The following CCT3 variants were observed in gnomAD, a reference collection of about 807,000 sequenced individuals.
CCT3 encodes the protein T-complex protein 1 subunit gamma.
In CCT3, 10 loss-of-function variants were observed where a neutral mutation model predicts 65.3. That is an observed-to-expected ratio of 0.15 (90% CI 0.09 to 0.26). The LOEUF is 0.26. Among genes scored for constraint, CCT3 ranks in the 10% least tolerant of loss-of-function variants. The probability of loss-of-function intolerance (pLI) is 1.00; values close to 1 mark genes in which losing one functional copy is unlikely to be tolerated. For missense variants in CCT3, 626 were observed against 708.7 expected (o/e 0.88, Z 1.33); for synonymous variants, 225 against 242.3 (o/e 0.93, Z 0.66).
chr1:156,329,719 A>C (rs1665027486), intron 5 of CCT3, among the ~76,000 whole-genome samples: 2 of 150,796 alleles, frequency 1.3e-5, no homozygotes, highest in Admixed American at 1.3e-4. Context: ...TGGGAGGATC[A>C]CCTGAAGTCA....
intron 6 of CCT3, among the ~76,000 whole-genome samples, chr1:156,321,857 TAAAC>T (rs1188703230): frequency 6.6e-6 from 1 of 151,992 alleles, no homozygotes; most frequent in Non-Finnish European, 1.5e-5. Flanking sequence ...AACCCCAAAA[TAAAC>T]AAAATCCCTC....
At chr1:156,313,804 C>G (rs888509818) in intron 10 of CCT3, among the ~76,000 whole-genome samples, 6 of 152,004 alleles carry the variant, frequency 3.9e-5, no homozygotes, top group African/African-American at 1.4e-4. Flanking sequence ...TGTAAAGAAC[C>G]GTCGGCTGGG....
chr1:156,313,394 G>A (rs1355513714), intron 10 of CCT3, among the ~76,000 whole-genome samples: 3 of 146,612 alleles, frequency 2.0e-5, no homozygotes, highest in South Asian at 2.2e-4. Context: ...AATCATTGAG[G>A]AGAAATGGTA....
intron 5 of CCT3, among the ~76,000 whole-genome samples, chr1:156,330,422 G>A (rs1665056291): frequency 6.6e-6 from 1 of 152,148 alleles, no homozygotes; most frequent in Non-Finnish European, 1.5e-5. Context: ...AGCACTTTGG[G>A]AGGCTGAGGT....
At chr1:156,310,456 T>C in intron 13 of CCT3, 102 bp downstream of exon 13, 2 of 852,904 alleles carry the variant, frequency 2.3e-6, no homozygotes, top group Non-Finnish European at 3.3e-6. Context: ...ATCACACCAC[T>C]GCACTCCAGC....
At chr1:156,327,193 C>T (rs533094911) in intron 5 of CCT3, among the ~76,000 whole-genome samples, 10 of 152,290 alleles carry the variant, frequency 6.6e-5, no homozygotes, top group African/African-American at 2.2e-4. Flanking sequence ...TGTCAAAAGC[C>T]TTTTGCACAA....
chr1:156,315,112 C>T (rs963089578), intron 10 of CCT3, among the ~76,000 whole-genome samples: 6 of 152,170 alleles, frequency 3.9e-5, no homozygotes, highest in African/African-American at 1.4e-4. Flanking sequence ...AAGACCAGCC[C>T]GTTCTTCCTC....
At chr1:156,333,359 G>A in intron 5 of CCT3, 188 bp downstream of exon 5, 1 of 539,636 alleles carries the variant, frequency 1.9e-6, no homozygotes, top group South Asian at 2.2e-5. Flanking sequence ...TAGTTTATCA[G>A]CCAGATTTGC....
At position 156,328,717 on chromosome 1, in the gene CCT3, T is replaced by C. The variant is rs556537514; in HGVS notation, c.305-3628A>G. 5.9e-5 allele frequency among the ~76,000 whole-genome samples: 9 copies of C among 152,198 alleles called. No individual in the cohort carries two copies. In the East Asian group the frequency reaches 1.5e-3, roughly 26 times the overall value. On this transcript the variant is annotated intron_variant, in intron 5 of 13. Transcript: ENST00000295688. ...CTTAAGTACCCAGGGACACAAACAC[T>C]GCGGAAGGCAGCAGGGTCCTCTGCC...
At chr1:156,332,831 T>G (rs1273797226) in intron 5 of CCT3, 3 of 152,338 alleles carry the variant, frequency 2.0e-5, no homozygotes, top group Middle Eastern at 3.2e-3. Flanking sequence ...TGCTATGGGC[T>G]ATGAGTTCAA....
intron 4 of CCT3, 94 bp downstream of exon 4, chr1:156,334,619 C>T (rs906687000): frequency 1.8e-6 from 2 of 1,122,238 alleles, no homozygotes; most frequent in Non-Finnish European, 2.6e-6. Context: ...TTATAGCAGC[C>T]CTAAAAAACT....
chr1:156,323,820 T>A (rs1314092299), intron 6 of CCT3, among the ~76,000 whole-genome samples: 1 of 151,754 alleles, frequency 6.6e-6, no homozygotes, highest in Non-Finnish European at 1.5e-5. Context: ...TGGAGTGCAA[T>A]GGTGCGATCC....
rs756237645 is a variant in CCT3 at position 156,318,882 on chromosome 1, T to G, written c.745A>C (p.Lys249Gln). ...AAGAACCTTACCTGGCTTTCTCCTTTCTTGTATTCCAGAGAAGAATCCAGC... is the reference window on the plus strand; with the variant it reads ...AAGAACCTTACCTGGCTTTCTCCTTGCTTGTATTCCAGAGAAGAATCCAGC... ...VLLDSSLEYK[K>Q]GESQTDIEIT... is the part of the protein sequence containing the mutation. Residue 249 changes from lysine (K) to glutamine (Q), a missense_variant, in exon 8 of 14, where the codon AAA (lysine) becomes CAA (glutamine). Physicochemically the swap from Lys to Gln is moderately conservative, Grantham distance 53 (BLOSUM62 1). Coordinates refer to ENST00000295688, the MANE Select transcript of CCT3 (RefSeq NM_005998.5). 6.2e-7 allele frequency: 1 copy of G among 1,613,092 alleles called. No individual in the cohort carries two copies. Among genetic ancestry groups the G allele is most frequent in the Admixed American group, 1.7e-5 (1 of 59,710 alleles).
intron 8 of CCT3, 88 bp downstream of exon 8, chr1:156,318,780 A>G (rs1664416212): frequency 7.9e-7 from 1 of 1,271,274 alleles, no homozygotes; most frequent in Non-Finnish European, 1.1e-6. Flanking sequence ...CCCAGAAGGC[A>G]TGCAATAAAC....
intron 10 of CCT3, 107 bp downstream of exon 10, chr1:156,317,059 T>C: frequency 1.0e-6 from 1 of 969,978 alleles, no homozygotes; most frequent in Non-Finnish European, 1.6e-6. Flanking sequence ...TATTTCTACC[T>C]GTTACTATAT....
At chr1:156,325,820 TG>T (rs1356854304) in intron 5 of CCT3, among the ~76,000 whole-genome samples, 6 of 151,936 alleles carry the variant, frequency 3.9e-5, no homozygotes, top group Admixed American at 1.3e-4. Flanking sequence ...TGACCTCAGG[TG>T]ATCTGTCCAC....
At chr1:156,315,902 AC>A (rs1024107018) in intron 10 of CCT3, among the ~76,000 whole-genome samples, 1 of 152,210 alleles carries the variant, frequency 6.6e-6, no homozygotes, top group African/African-American at 2.4e-5. Context: ...AAAAAAATTA[AC>A]ATGTCTATAC....
At chr1:156,315,479 G>C (rs1032496698) in intron 10 of CCT3, among the ~76,000 whole-genome samples, 2 of 152,152 alleles carry the variant, frequency 1.3e-5, no homozygotes, top group Non-Finnish European at 2.9e-5. Flanking sequence ...AAAGTGCTGG[G>C]ATTACAGGCA....
intron 5 of CCT3, among the ~76,000 whole-genome samples, chr1:156,325,482 C>A (rs1403822528): frequency 2.0e-5 from 3 of 151,940 alleles, no homozygotes; most frequent in Non-Finnish European, 4.4e-5. Flanking sequence ...GAGCCATGAC[C>A]GCACCATTGC....
Sources: allele counts gnomAD v4.1 joint callset (sites outside exome capture counted in the v4.1 genomes callset), GRCh38; gene constraint gnomAD v4.1.1; transcripts MANE v1.5; gene names NCBI Gene and HGNC (gene_info 2026-07-23, HGNC 2026-07-21).